The following PCID2 variants were observed in gnomAD, a reference collection of about 807,000 sequenced individuals.
PCID2 encodes the protein PCI domain-containing protein 2.
A neutral mutation model predicts 61.3 loss-of-function variants in PCID2; 41 were observed. That is an observed-to-expected ratio of 0.67 (90% CI 0.52 to 0.87). The LOEUF (loss-of-function observed/expected upper bound fraction) is 0.87. PCID2 is among the 40% of genes least tolerant of loss of function. The probability of loss-of-function intolerance (pLI) is 0.00; values close to 1 mark genes in which losing one functional copy is unlikely to be tolerated. For missense variants in PCID2, 392 were observed against 493.4 expected, an observed-to-expected ratio of 0.79 and a Z score of 1.95; for synonymous variants, 187 against 177.8, an observed-to-expected ratio of 1.05 and a Z score of -0.41.
At chr13:113,170,085 A>G in the PCID2 span, among the ~76,000 whole-genome samples, 1 of 152,202 alleles carries the variant, frequency 6.6e-6, no homozygotes, top group African/African-American at 2.4e-5. Flanking sequence ...GGGGATTACG[A>G]TTCCTGAAAA....
chr13:113,168,179 A>C, the PCID2 span, among the ~76,000 whole-genome samples: 5 of 152,274 alleles, frequency 3.3e-5, no homozygotes, highest in African/African-American at 1.2e-4. Context: ...AGAAGTTTAA[A>C]GAATAAGGAA....
At chr13:113,203,225 G>A (rs1224795418) in intron 1 of PCID2, among the ~76,000 whole-genome samples, 1 of 152,220 alleles carries the variant, frequency 6.6e-6, no homozygotes, top group Non-Finnish European at 1.5e-5. Flanking sequence ...GCCATCTGAA[G>A]ACTTGCAGGT....
At chr13:113,190,496 A>G (rs906263925) in intron 7 of PCID2, among the ~76,000 whole-genome samples, 2 of 152,134 alleles carry the variant, frequency 1.3e-5, no homozygotes, top group Admixed American at 6.5e-5. Flanking sequence ...AAGAGAGAAC[A>G]TTTCTTAAAA....
the PCID2 span, chr13:113,171,764 G>A: frequency 4.8e-5 from 78 of 1,611,960 alleles, 1 homozygote; most frequent in African/African-American, 4.8e-4. The surrounding 1 kb of genome is among the most constrained non-coding windows in gnomAD (Gnocchi z 5.1). Context: ...GAAAGACTTC[G>A]CTGAGCACCT....
intron 7 of PCID2, among the ~76,000 whole-genome samples, chr13:113,188,916 G>A (rs572406880): frequency 6.6e-6 from 1 of 152,316 alleles, no homozygotes; most frequent in South Asian, 2.1e-4. Flanking sequence ...CACAATGAGT[G>A]AAAAGAGAAG....
chr13:113,197,455 TA>T (rs2039100691), intron 3 of PCID2, among the ~76,000 whole-genome samples: 1 of 152,244 alleles, frequency 6.6e-6, no homozygotes, highest in Non-Finnish European at 1.5e-5. Context: ...CAGAAGGACC[TA>T]GCACCAGCAG....
At chr13:113,177,109 G>C (rs1391707382), downstream of PCID2, among the ~76,000 whole-genome samples, 1 of 151,930 alleles carries the variant, frequency 6.6e-6, no homozygotes, top group Non-Finnish European at 1.5e-5. Context: ...CACTCGGTAA[G>C]CTACACGAGG....
At chr13:113,167,169 G>A in the PCID2 span, among the ~76,000 whole-genome samples, 2 of 152,198 alleles carry the variant, frequency 1.3e-5, no homozygotes, top group Non-Finnish European at 2.9e-5. Flanking sequence ...TCCTAGGGAA[G>A]AAGTATCACT....
chr13:113,166,768 T>G, the PCID2 span, among the ~76,000 whole-genome samples: 1 of 152,212 alleles, frequency 6.6e-6, no homozygotes, highest in African/African-American at 2.4e-5. Context: ...GGGTCGGTAC[T>G]TGGGAGGCCC....
At chr13:113,169,643 CTAGT>C in the PCID2 span, among the ~76,000 whole-genome samples, 1 of 152,222 alleles carries the variant, frequency 6.6e-6, no homozygotes, top group Non-Finnish European at 1.5e-5. Flanking sequence ...AAGTCTAGAG[CTAGT>C]TATTCTGACT....
intron 7 of PCID2, chr13:113,186,328 T>G (rs772225769): frequency 6.6e-6 from 1 of 152,222 alleles, no homozygotes; most frequent in Non-Finnish European, 1.5e-5. Flanking sequence ...TGCATGCAAA[T>G]TTTACCTCAA....
intron 1 of PCID2, among the ~76,000 whole-genome samples, chr13:113,204,186 GC>G (rs1304306775): frequency 2.0e-5 from 3 of 152,248 alleles, no homozygotes; most frequent in Non-Finnish European, 4.4e-5. Context: ...ACTGGGCCCA[GC>G]CCCAGGAGCC....
At chr13:113,171,610 C>T in the PCID2 span, 2 of 1,614,032 alleles carry the variant, frequency 1.2e-6, no homozygotes, top group East Asian at 4.5e-5. This position sits in a 1 kb window ranked among gnomAD's most constrained non-coding sequence, Gnocchi z 5.1. Flanking sequence ...ACAGAACGAG[C>T]CAAGACCCGC....
intron 1 of PCID2, among the ~76,000 whole-genome samples, chr13:113,207,762 TC>T (rs2040005931): frequency 6.6e-6 from 1 of 152,142 alleles, no homozygotes; most frequent in South Asian, 2.1e-4. Flanking sequence ...ACTTTATTTC[TC>T]CCTCCAAATC....
chr13:113,182,965 C>T (rs978354440), intron 9 of PCID2, among the ~76,000 whole-genome samples: 3 of 152,130 alleles, frequency 2.0e-5, no homozygotes, highest in African/African-American at 7.2e-5. Flanking sequence ...TGAGATACTC[C>T]AAATACTCTT....
chr13:113,199,019 T>G (rs2039227601), intron 2 of PCID2, among the ~76,000 whole-genome samples: 1 of 152,214 alleles, frequency 6.6e-6, no homozygotes, highest in Admixed American at 6.5e-5. Flanking sequence ...GACATTTCTT[T>G]CTAAGTTTTC....
chr13:113,196,073 A>C, intron 5 of PCID2, 108 bp downstream of exon 5: 1 of 796,578 alleles, frequency 1.3e-6, no homozygotes. Flanking sequence ...CTGATTACCA[A>C]ATATCCACAT....
the PCID2 span, among the ~76,000 whole-genome samples, chr13:113,167,607 A>G: frequency 6.6e-6 from 1 of 152,218 alleles, no homozygotes; most frequent in African/African-American, 2.4e-5. Context: ...TATTAGTGTT[A>G]GCATGACTTA....
intron 7 of PCID2, chr13:113,187,206 C>G (rs1190701055): frequency 2.0e-5 from 3 of 152,202 alleles, no homozygotes; most frequent in African/African-American, 7.2e-5. Flanking sequence ...TCACGTAAAA[C>G]GCTACACGCA....
Sources: gnomAD v4.1 joint callset for allele counts (sites outside exome capture counted in the v4.1 genomes callset) on GRCh38, gnomAD v4.1.1 for gene constraint, Gnocchi (gnomAD v3.1) non-coding constraint, MANE v1.5 for transcripts, NCBI Gene and HGNC (gene_info 2026-07-23, HGNC 2026-07-21) for gene names.